The following SNX29 variants were observed in gnomAD, a reference collection of about 807,000 sequenced individuals.
SNX29 encodes the protein sorting nexin-29.
SNX29 carries 78 observed loss-of-function variants against 102.1 expected under a neutral mutation model. That is an observed-to-expected ratio of 0.76 (90% CI 0.64 to 0.92). SNX29 has a LOEUF of 0.92. SNX29 is among the 40% of genes least tolerant of loss of function. SNX29 has a pLI of 0.00. For synonymous variants in SNX29, 580 were observed against 414.5 expected, an observed-to-expected ratio of 1.40 and a Z score of -4.85; for missense variants, 1,280 against 1,061.7, an observed-to-expected ratio of 1.21 and a Z score of -2.86.
intron 16 of SNX29, among the ~76,000 whole-genome samples, chr16:12,369,459 G>T (rs2082604267): frequency 6.6e-6 from 1 of 152,122 alleles, no homozygotes. Context: ...TTAATATGAT[G>T]TCATGAGCAT....
chr16:12,022,544 C>T (rs1302336543), intron 3 of SNX29, among the ~76,000 whole-genome samples: 7 of 152,100 alleles, frequency 4.6e-5, no homozygotes, highest in South Asian at 4.1e-4. Flanking sequence ...GTGTAACCAT[C>T]GATCACAATT....
At position 12,061,575 on chromosome 16, in the gene SNX29, C is replaced by T. The variant is rs567532795; in HGVS notation, c.1172C>T (p.Pro391Leu). 2.0e-5 allele frequency: 33 copies of T among 1,611,256 alleles called. No individual in the cohort carries two copies. Among genetic ancestry groups the T allele is most frequent in the African/African-American group, 4.0e-5 (3 of 74,994 alleles). ...CTCTCCCAGATGCACAGCTGGGCTC[C>T]GCTGAAGGTGCTGCACAATGACTCC... is the stretch of plus-strand genomic sequence containing the variant. ...TCLSQMHSWA[P>L]LKVLHNDSDI... is the part of the protein sequence containing the mutation. The change falls in exon 9 of 21, where the codon CCG becomes CTG. Residue 391 changes from proline (P) to leucine (L), a missense_variant. Coordinates refer to ENST00000566228, the MANE Select transcript of SNX29 (RefSeq NM_032167.5).
intron 13 of SNX29, among the ~76,000 whole-genome samples, chr16:12,177,427 C>G (rs879840828): frequency 2.6e-5 from 4 of 152,142 alleles, no homozygotes; most frequent in African/African-American, 9.7e-5. Context: ...TTTTAATTAT[C>G]GAGATGTGAC....
At chr16:12,532,425 T>C (rs1475401066) in intron 20 of SNX29, among the ~76,000 whole-genome samples, 1 of 152,136 alleles carries the variant, frequency 6.6e-6, no homozygotes, top group Non-Finnish European at 1.5e-5. Flanking sequence ...TAGGCTGTCG[T>C]GTTTTGTAAA....
chr16:12,163,545 C>T (rs576921907), intron 13 of SNX29, among the ~76,000 whole-genome samples: 1 of 152,238 alleles, frequency 6.6e-6, no homozygotes, highest in African/African-American at 2.4e-5. Flanking sequence ...CCGATGAATT[C>T]ACATGGTTAG....
intron 15 of SNX29, among the ~76,000 whole-genome samples, chr16:12,280,665 A>G (rs534187396): frequency 5.8e-4 from 89 of 152,284 alleles, no homozygotes; most frequent in African/African-American, 1.9e-3. Context: ...TTGGTTGCAA[A>G]GACAGGTTCT....
chr16:12,032,011 C>T (rs2057358751), intron 4 of SNX29, among the ~76,000 whole-genome samples: 2 of 152,128 alleles, frequency 1.3e-5, no homozygotes, highest in Admixed American at 6.6e-5. Flanking sequence ...CACTAACACT[C>T]ACTCCCTCCA....
At chr16:12,289,270 C>T (rs1274956823) in intron 15 of SNX29, among the ~76,000 whole-genome samples, 3 of 152,200 alleles carry the variant, frequency 2.0e-5, no homozygotes, top group Non-Finnish European at 4.4e-5. Context: ...GAGAAGGGTC[C>T]ACTACTGGCA....
intron 1 of SNX29, among the ~76,000 whole-genome samples, chr16:11,989,262 G>A (rs1009456951): frequency 1.3e-5 from 2 of 152,086 alleles, no homozygotes; most frequent in Admixed American, 1.3e-4. Context: ...CGTGAGCCAT[G>A]ATGCCCGGCC....
intron 20 of SNX29, among the ~76,000 whole-genome samples, chr16:12,565,206 C>T (rs928123479): frequency 5.9e-5 from 9 of 152,262 alleles, no homozygotes; most frequent in African/African-American, 1.9e-4. Context: ...TGCTATTCAG[C>T]CAGACAGCAT....
In SNX29 at chr16:12,018,595, A is replaced by G. The variant is rs181273384; in HGVS notation, c.123-8725A>G. On this transcript the variant is annotated intron_variant, in intron 3 of 20. Transcript: ENST00000566228. ...GAGACTCTGTCTCAAGAAAAAAAAAAAAGAAAGATATATTTTATTTTTGTT... is the reference window on the plus strand; with the variant it reads ...GAGACTCTGTCTCAAGAAAAAAAAAGAAGAAAGATATATTTTATTTTTGTT... 2.7e-3 allele frequency among the ~76,000 whole-genome samples: 403 copies of G among 152,010 alleles called. 1 individual carries two copies. The highest frequency in any genetic ancestry group is 4.4e-3 in the Non-Finnish European group (298 of 67,964).
intron 20 of SNX29, chr16:12,560,884 G>A (rs909966078): frequency 5.3e-6 from 1 of 189,562 alleles, no homozygotes; most frequent in African/African-American, 2.3e-5. Context: ...TTCAAGATTT[G>A]ACAAGCAGTG....
rs2080483283 is a variant in SNX29 at position 12,310,098 on chromosome 16, A to ACGTGCACACATGCACACC, written c.1782+32063_1782+32064insGTGCACACATGCACACCC. Among the ~76,000 whole-genome samples, 4 of 144,972 alleles carry ACGTGCACACATGCACACC rather than the reference A, an allele frequency of 2.8e-5. No homozygotes were observed. The South Asian group carries it at 8.6e-4, about 31-fold the overall frequency. On this transcript the variant is annotated intron_variant, in intron 15 of 20. Coordinates refer to ENST00000566228, the MANE Select transcript of SNX29 (RefSeq NM_032167.5). The stretch of plus-strand genomic sequence containing the variant: ...CATACACATGTGCACACATGCACAC[A>ACGTGCACACATGCACACC]CATGCACACATACACGTGCACGCAC...
intron 11 of SNX29, among the ~76,000 whole-genome samples, chr16:12,092,791 GTTTCT>G (rs1276723633): frequency 3.3e-5 from 5 of 152,210 alleles, no homozygotes; most frequent in Non-Finnish European, 7.3e-5. Context: ...GACCTCGTTA[GTTTCT>G]TTGATACCAA....
chr16:12,536,133 C>G (rs1597798159), intron 20 of SNX29, among the ~76,000 whole-genome samples: 3 of 152,296 alleles, frequency 2.0e-5, no homozygotes, highest in Admixed American at 2.0e-4. Context: ...AGCTTTGGTG[C>G]TGGCACTCGC....
chr16:12,178,630 G>T (rs1449852414), intron 13 of SNX29, among the ~76,000 whole-genome samples: 1 of 152,228 alleles, frequency 6.6e-6, no homozygotes, highest in Non-Finnish European at 1.5e-5. Context: ...GATCAGAGAT[G>T]AGTCAAAACA....
intron 14 of SNX29, among the ~76,000 whole-genome samples, chr16:12,213,146 C>G (rs898718913): frequency 5.9e-5 from 9 of 152,020 alleles, no homozygotes; most frequent in African/African-American, 2.2e-4. Context: ...ACAAAAAAAA[C>G]TACTCGGACA....
At chr16:12,345,570 C>T (rs2081771816) in intron 15 of SNX29, among the ~76,000 whole-genome samples, 1 of 152,176 alleles carries the variant, frequency 6.6e-6, no homozygotes, top group African/African-American at 2.4e-5. Flanking sequence ...ACGTACTTGA[C>T]ATTTAGTAAG....
intron 4 of SNX29, among the ~76,000 whole-genome samples, chr16:12,028,873 C>G (rs1185113458): frequency 6.6e-6 from 1 of 151,812 alleles, no homozygotes; most frequent in Non-Finnish European, 1.5e-5. Context: ...CTGAGCCTCC[C>G]GAGTAGCTGG....
Sources: allele counts gnomAD v4.1 joint callset (sites outside exome capture counted in the v4.1 genomes callset), GRCh38; gene constraint gnomAD v4.1.1; transcripts MANE v1.5; gene names NCBI Gene and HGNC (gene_info 2026-07-23, HGNC 2026-07-21).